The following AFF4 variants were observed in gnomAD, a reference collection of about 807,000 sequenced individuals.
AFF4 encodes the protein AF4/FMR2 family member 4.
In AFF4, 13 loss-of-function variants were observed where a neutral mutation model predicts 124.8. That is an observed-to-expected ratio of 0.10 (90% CI 0.07 to 0.17). The LOEUF (loss-of-function observed/expected upper bound fraction) is 0.17. Ranked by LOEUF, AFF4 falls within the 10% of genes least tolerant of loss-of-function variation. The pLI is 1.00. For missense variants in AFF4, 1,092 were observed against 1,403.8 expected, an observed-to-expected ratio of 0.78 and a Z score of 3.55; for synonymous variants, 477 against 496.1, an observed-to-expected ratio of 0.96 and a Z score of 0.51.
At chr5:132,933,398 A>G (rs1220886784) in intron 3 of AFF4, among the ~76,000 whole-genome samples, 1 of 136,594 alleles carries the variant, frequency 7.3e-6, no homozygotes, top group Admixed American at 8.1e-5. Flanking sequence ...ACTCCAACTC[A>G]AAAAAAAAAA....
intron 10 of AFF4, among the ~76,000 whole-genome samples, chr5:132,897,709 T>TAAAA (rs35269196): frequency 6.9e-6 from 1 of 144,548 alleles, no homozygotes; most frequent in Non-Finnish European, 1.5e-5. Flanking sequence ...GACTCCATCT[T>TAAAA]AAAAAAAAAA....
intron 1 of AFF4, among the ~76,000 whole-genome samples, chr5:132,938,941 C>CAA (rs762784790): frequency 0.041 from 1,554 of 37,848 alleles, 112 homozygotes; most frequent in African/African-American, 0.11. Flanking sequence ...AGACTCATCT[C>CAA]AAAAAAAAAA....
chr5:132,885,557 G>C (rs1002152039), intron 18 of AFF4, among the ~76,000 whole-genome samples: 23 of 152,066 alleles, frequency 1.5e-4, no homozygotes, highest in Non-Finnish European at 3.2e-4. Flanking sequence ...GCCCCATGCA[G>C]TTTGCCTAAA....
intron 18 of AFF4, 28 bp downstream of exon 18, chr5:132,886,282 A>C (rs1182411075): frequency 6.2e-7 from 1 of 1,601,392 alleles, no homozygotes; most frequent in South Asian, 1.1e-5. Context: ...TCTCCTAGGA[A>C]ACGGACCTTG....
At chr5:132,890,712 T>G (rs1393533595) in intron 13 of AFF4, among the ~76,000 whole-genome samples, 1 of 152,204 alleles carries the variant, frequency 6.6e-6, no homozygotes, top group Non-Finnish European at 1.5e-5. Flanking sequence ...AACTGTTAAG[T>G]GCCAAGAGCT....
intron 5 of AFF4, among the ~76,000 whole-genome samples, chr5:132,921,966 G>A (rs988160085): frequency 1.3e-5 from 2 of 151,574 alleles, no homozygotes; most frequent in Non-Finnish European, 2.9e-5. Flanking sequence ...TTAATTTTTT[G>A]TGGAGACAGA....
At position 132,878,734 on chromosome 5, in the gene AFF4, G is replaced by A. The variant is rs1759899076; in HGVS notation, c.*2325C>T. On this transcript the variant is annotated 3_prime_UTR_variant, in exon 21 of 21. Transcript: ENST00000265343. Reference sequence around the variant, plus strand: ...ACACAGTTTTAAAGAGAAAATATTAGAGCAGCACCATAAACCATGCAGGAA... The same window carrying A: ...ACACAGTTTTAAAGAGAAAATATTAAAGCAGCACCATAAACCATGCAGGAA... The A allele has an allele frequency of 4.4e-6, 1 of 225,224 alleles. No individual in the cohort carries two copies. The highest frequency in any genetic ancestry group is 2.2e-5 in the African/African-American group (1 of 44,850). The allele number at this position is 225,224 out of a possible 1,614,324, so 14.0% of individuals were successfully genotyped here. A position where few individuals can be genotyped will look rare whatever the true frequency, so the allele number is the denominator to read the frequency against.
intron 1 of AFF4, among the ~76,000 whole-genome samples, chr5:132,938,941 CAAAAA>C (rs762784790): frequency 8.6e-4 from 33 of 38,336 alleles, no homozygotes; most frequent in African/African-American, 3.0e-3. Context: ...AGACTCATCT[CAAAAA>C]AAAAAAAAAA....
chr5:132,954,528 T>C (rs1561513805), intron 1 of AFF4, among the ~76,000 whole-genome samples: 1 of 149,946 alleles, frequency 6.7e-6, no homozygotes. Flanking sequence ...CCAGAGGGTG[T>C]GTGTTACAAA....
intron 1 of AFF4, chr5:132,943,188 G>T: frequency 5.6e-6 from 1 of 178,256 alleles, no homozygotes; most frequent in South Asian, 1.2e-4. Flanking sequence ...TTACACACTG[G>T]GTGTGAAACA....
At chr5:132,908,784 T>TC (rs1216593605) in intron 5 of AFF4, among the ~76,000 whole-genome samples, 1 of 147,110 alleles carries the variant, frequency 6.8e-6, no homozygotes, top group African/African-American at 2.5e-5. Context: ...ATATTTTTTT[T>TC]TTTTGAGACG....
intron 4 of AFF4, among the ~76,000 whole-genome samples, chr5:132,931,171 T>C (rs1241972126): frequency 1.3e-5 from 2 of 151,012 alleles, no homozygotes; most frequent in Non-Finnish European, 2.9e-5. Flanking sequence ...TCCCAGCACT[T>C]TGGGAGGCCG....
At chr5:132,923,879 A>C (rs1415757678) in intron 5 of AFF4, among the ~76,000 whole-genome samples, 1 of 152,270 alleles carries the variant, frequency 6.6e-6, no homozygotes, top group Non-Finnish European at 1.5e-5. Context: ...TTAACAGTCT[A>C]AATCTGGAAA....
chr5:132,932,862 T>C (rs946554139), intron 3 of AFF4, among the ~76,000 whole-genome samples: 4 of 152,204 alleles, frequency 2.6e-5, no homozygotes, highest in African/African-American at 9.7e-5. Flanking sequence ...ACTCTAAAGA[T>C]CATGTTGTTT....
chr5:132,953,798 A>AT (rs1208904911), intron 1 of AFF4, among the ~76,000 whole-genome samples: 1 of 151,936 alleles, frequency 6.6e-6, no homozygotes, highest in Non-Finnish European at 1.5e-5. Flanking sequence ...AACACACCAC[A>AT]TTTTATCTTC....
At chr5:132,959,388 G>A (rs1022324375) in intron 1 of AFF4, among the ~76,000 whole-genome samples, 9 of 152,048 alleles carry the variant, frequency 5.9e-5, no homozygotes, top group Admixed American at 3.9e-4. Context: ...CCAAAGTGCT[G>A]GGATTACAGG....
Position 132,897,054 on chromosome 5 carries a change from A to T in AFF4, c.1576T>A (p.Ser526Thr). Residue 526 changes from serine to threonine, a missense_variant, in exon 11 of 21, where the codon TCC becomes ACC. By Grantham distance (58) the Ser-to-Thr change is moderately conservative. Around this residue, in one of 11 missense-constraint regions of AFF4, gnomAD observed 174 missense variants for 205.9 expected, o/e 0.84. Transcript: ENST00000265343. ...TTGGAGTCTCGTCCCGGAGTAGCGG[A>T]ACTCGTTTCTTTAGGTCCACTTGTA... ...TDTSGPKETS[S>T]ATPGRDSKTI... is the part of the protein sequence containing the mutation. 1 of 1,614,066 alleles carries T rather than the reference A, an allele frequency of 6.2e-7. No homozygotes were observed. Among genetic ancestry groups the T allele is most frequent in the Non-Finnish European group, 8.5e-7 (1 of 1,180,014 alleles).
intron 5 of AFF4, among the ~76,000 whole-genome samples, chr5:132,914,098 T>C (rs1379062879): frequency 6.6e-6 from 1 of 151,562 alleles, no homozygotes; most frequent in Non-Finnish European, 1.5e-5. Context: ...CATGGTAGTG[T>C]ATGCTTGTAA....
rs775341550 is a variant in AFF4 at position 132,934,574 on chromosome 5, C to T, written c.491G>A (p.Arg164Gln). ...ESYNNSGSSSRKKGQHGSEHS... is the reference protein window; with the variant it reads ...ESYNNSGSSSQKKGQHGSEHS... ...TTCTGATCCATGCTGGCCTTTTTTC[C>T]GGCTACTGCTCCCACTATTGTTATA... Residue 164 changes from arginine to glutamine, a missense_variant, in exon 3 of 21, where the codon CGG (arginine) becomes CAG (glutamine). Coordinates refer to ENST00000265343, the MANE Select transcript of AFF4 (RefSeq NM_014423.4). The T allele has an allele frequency of 5.6e-6, 9 of 1,613,976 alleles. No homozygotes were observed. Among genetic ancestry groups the T allele is most frequent in the Admixed American group, 3.3e-5 (2 of 59,990 alleles).
Sources: allele counts gnomAD v4.1 joint callset (sites outside exome capture counted in the v4.1 genomes callset), GRCh38; gene constraint gnomAD v4.1.1; regional missense constraint gnomAD v4.1.1; transcripts MANE v1.5; gene names NCBI Gene and HGNC (gene_info 2026-07-23, HGNC 2026-07-21).